Variants in PEX14 observed in about 807,000 individuals in gnomAD.
The protein encoded by PEX14 is peroxisomal biogenesis factor 14, also known as peroxisomal membrane protein PEX14.
PEX14 carries 15 observed loss-of-function variants against 49.5 expected under a neutral mutation model. The observed-to-expected ratio is 0.30, with a 90% CI of 0.20 to 0.47. The LOEUF is 0.47. PEX14 is among the 20% of genes least tolerant of loss of function. The pLI, the probability that PEX14 is intolerant of heterozygous loss-of-function variation, is 1.00. For synonymous variants in PEX14, 210 were observed against 212.7 expected (o/e 0.99, Z 0.11); for missense variants, 398 against 494.8 (o/e 0.80, Z 1.86).
At chr1:10,502,947 A>C (rs978476774) in intron 2 of PEX14, among the ~76,000 whole-genome samples, 1 of 151,356 alleles carries the variant, frequency 6.6e-6, no homozygotes, top group Non-Finnish European at 1.5e-5. Flanking sequence ...ACCGGTGCAC[A>C]CCACCATGCC....
chr1:10,506,533 T>C (rs992952139), intron 2 of PEX14, among the ~76,000 whole-genome samples: 2 of 152,252 alleles, frequency 1.3e-5, no homozygotes, highest in Non-Finnish European at 2.9e-5. Flanking sequence ...CGCCTCGGCC[T>C]CCCAAAGTTC....
intron 3 of PEX14, among the ~76,000 whole-genome samples, chr1:10,542,088 A>AT (rs1240194889): frequency 1.3e-5 from 2 of 151,156 alleles, no homozygotes; most frequent in Admixed American, 1.3e-4. Flanking sequence ...AGTAAAAAAA[A>AT]ATTTTTTTTA....
At chr1:10,503,624 C>T (rs2506902) in intron 2 of PEX14, among the ~76,000 whole-genome samples, 36,728 of 151,242 alleles carry the variant, frequency 0.24, 4,545 homozygotes, top group Admixed American at 0.29. Flanking sequence ...GTATTCCATG[C>T]GGCAAACTCA....
At chr1:10,564,475 T>C (rs1473450728) in intron 3 of PEX14, among the ~76,000 whole-genome samples, 1 of 152,000 alleles carries the variant, frequency 6.6e-6, no homozygotes, top group African/African-American at 2.4e-5. Flanking sequence ...CTCACTCTCT[T>C]GCCCAGACTG....
intron 3 of PEX14, among the ~76,000 whole-genome samples, chr1:10,538,930 C>T (rs914970170): frequency 1.8e-4 from 27 of 152,328 alleles, no homozygotes; most frequent in African/African-American, 6.3e-4. Flanking sequence ...CAGTGGAGCA[C>T]TGACTTGAAT....
At chr1:10,486,991 G>C (rs1641380728) in intron 1 of PEX14, among the ~76,000 whole-genome samples, 1 of 151,754 alleles carries the variant, frequency 6.6e-6, no homozygotes, top group Non-Finnish European at 1.5e-5. Context: ...CCAGCCTGAG[G>C]CTCTGTCTCT....
intron 2 of PEX14, among the ~76,000 whole-genome samples, chr1:10,528,613 C>T (rs778525118): frequency 1.3e-5 from 2 of 152,156 alleles, no homozygotes; most frequent in African/African-American, 2.4e-5. Flanking sequence ...TTTTACAACA[C>T]GAAGCCTGGG....
chr1:10,609,867 C>T (rs1435503681), intron 4 of PEX14, among the ~76,000 whole-genome samples: 4 of 151,574 alleles, frequency 2.6e-5, no homozygotes, highest in Admixed American at 6.6e-5. Flanking sequence ...CCTGGGTGAC[C>T]GAACGAAGCT....
chr1:10,594,231 G>A (rs985814758), intron 3 of PEX14, among the ~76,000 whole-genome samples: 2 of 152,106 alleles, frequency 1.3e-5, no homozygotes, highest in Non-Finnish European at 2.9e-5. Flanking sequence ...TGAGAGAGTT[G>A]ATTTTTTTCT....
In PEX14 at chr1:10,628,188, C is replaced by T. The variant is rs1309340099; in HGVS notation, c.677+825C>T. 6.6e-6 allele frequency among the ~76,000 whole-genome samples: 1 copy of T among 152,242 alleles called. No individual in the cohort carries two copies. ...CGACCTCAGGTCATCTGCCCATGGCCTCCCAAAGTGCTGGGATTACAGGTG... is the reference window on the plus strand; with the variant it reads ...CGACCTCAGGTCATCTGCCCATGGCTTCCCAAAGTGCTGGGATTACAGGTG... On this transcript the variant is annotated intron_variant, in intron 8 of 8. Coordinates refer to ENST00000356607, the MANE Select transcript of PEX14 (RefSeq NM_004565.3). The surrounding 1 kb of genome is among the most constrained non-coding windows in gnomAD (Gnocchi z 4.5).
At chr1:10,486,531 A>C (rs1342478812) in intron 1 of PEX14, among the ~76,000 whole-genome samples, 1 of 151,806 alleles carries the variant, frequency 6.6e-6, no homozygotes, top group East Asian at 1.9e-4. Flanking sequence ...ATTTTTAAAA[A>C]ATGAGTCTGA....
chr1:10,487,040 CT>C (rs987418044), intron 1 of PEX14, among the ~76,000 whole-genome samples: 5 of 151,960 alleles, frequency 3.3e-5, no homozygotes, highest in African/African-American at 1.2e-4. Context: ...GTCAGGTGCT[CT>C]TTTTTGTCTC....
chr1:10,520,637 G>A (rs1305526091), intron 2 of PEX14, among the ~76,000 whole-genome samples: 1 of 152,188 alleles, frequency 6.6e-6, no homozygotes, highest in Admixed American at 6.5e-5. Context: ...CTAAGTTCAT[G>A]TATGTGGAGC....
intron 3 of PEX14, among the ~76,000 whole-genome samples, chr1:10,552,295 A>C (rs867418158): frequency 3.3e-5 from 5 of 152,188 alleles, no homozygotes; most frequent in African/African-American, 1.2e-4. Context: ...TACAAAAATT[A>C]GCTGGGCATG....
intron 2 of PEX14, among the ~76,000 whole-genome samples, chr1:10,520,138 C>CCTT (rs1638231247): frequency 9.4e-6 from 1 of 106,092 alleles, no homozygotes; most frequent in Admixed American, 1.0e-4. Context: ...TTGTGCCTGG[C>CCTT]CTTCTTCTTC....
intron 1 of PEX14, among the ~76,000 whole-genome samples, chr1:10,485,887 C>T (rs1290947813): frequency 6.7e-6 from 1 of 149,844 alleles, no homozygotes; most frequent in African/African-American, 2.5e-5. Flanking sequence ...TCCCTAGTAG[C>T]TGAGATTGCA....
At chr1:10,486,360 GTTT>G (rs201702205) in intron 1 of PEX14, among the ~76,000 whole-genome samples, 1 of 124,130 alleles carries the variant, frequency 8.1e-6, no homozygotes, top group African/African-American at 2.9e-5. Context: ...AGTTTGCTGA[GTTT>G]TTTTTTTTTT....
intron 3 of PEX14, among the ~76,000 whole-genome samples, chr1:10,561,817 T>C (rs1306357041): frequency 6.6e-6 from 1 of 152,238 alleles, no homozygotes; most frequent in African/African-American, 2.4e-5. Flanking sequence ...TATTACCTAT[T>C]ATTTTTCTGT....
chr1:10,577,563 T>TATGTATATATATATATATA (rs1557854885), intron 3 of PEX14, among the ~76,000 whole-genome samples: 1 of 2,460 alleles, frequency 4.1e-4, no homozygotes, highest in African/African-American at 1.5e-3. Flanking sequence ...TATATATATA[T>TATGTATATATATATATATA]TTTTTTTTTT....
Sources: allele counts gnomAD v4.1 joint callset (sites outside exome capture counted in the v4.1 genomes callset), GRCh38; gene constraint gnomAD v4.1.1; non-coding constraint Gnocchi (gnomAD v3.1); transcripts MANE v1.5; gene names NCBI Gene and HGNC (gene_info 2026-07-23, HGNC 2026-07-21).